DPYSL2: variants seen among roughly 807,000 people sequenced by gnomAD.
DPYSL2 encodes dihydropyrimidinase-related protein 2.
A neutral mutation model predicts 69.9 loss-of-function variants in DPYSL2; 13 were observed. That is an observed-to-expected ratio of 0.19 (90% CI 0.12 to 0.30). The LOEUF (loss-of-function observed/expected upper bound fraction) is 0.30. Among genes scored for constraint, DPYSL2 ranks in the 10% least tolerant of loss-of-function variants. The pLI is 1.00. For missense variants in DPYSL2, 587 were observed against 918.9 expected (o/e 0.64, Z 4.67); for synonymous variants, 326 against 359.1 (o/e 0.91, Z 1.04).
In DPYSL2 at chr8:26,576,769, T is replaced by C. The variant is rs142600043; in HGVS notation, c.355-5200T>C. Among the ~76,000 whole-genome samples, 157 of 152,350 alleles carry C rather than the reference T, an allele frequency of 1.0e-3. 1 individual carries two copies. The highest frequency in any genetic ancestry group is 3.6e-3 in the African/African-American group (150 of 41,582). ...TTCCTGTGGGATATAAACTCTTCCT[T>C]TCTTGCTCCTCCACAGCTCATCTCC... On this transcript the variant is annotated intron_variant, in intron 1 of 13. Transcript: ENST00000521913.
rs112620337 is a variant in DPYSL2 at position 26,535,898 on chromosome 8, T to TTGTGTGTGTGTGTGTG, written c.354+21243_354+21258dup. On this transcript the variant is annotated intron_variant, in intron 1 of 13. Transcript: ENST00000521913. ...ATCAAAATTATAAGCTCTCTATGGG[T>TTGTGTGTGTGTGTGTG]TGTGTGTGTGTGTGTGTGTGTGTGT... Among the ~76,000 whole-genome samples the TTGTGTGTGTGTGTGTG allele has an allele frequency of 1.6e-4, 22 of 141,170 alleles. 1 individual carries two copies. The highest frequency in any genetic ancestry group is 5.9e-4 in the African/African-American group (22 of 37,140). The allele number at this position is 141,170 out of a possible 152,430, so 92.6% of individuals were successfully genotyped here.
At chr8:26,576,487 A>T (rs1041950432) in intron 1 of DPYSL2, among the ~76,000 whole-genome samples, 5 of 151,580 alleles carry the variant, frequency 3.3e-5, no homozygotes, top group Admixed American at 3.3e-4. Flanking sequence ...TGCCAGGGCA[A>T]CCTCCCACGG....
At chr8:26,522,407 C>T (rs60541439) in intron 1 of DPYSL2, among the ~76,000 whole-genome samples, 2,910 of 152,334 alleles carry the variant, frequency 0.019, 82 homozygotes, top group African/African-American at 0.064. Context: ...CTATGTTTAG[C>T]TCTTCGAGGA....
intron 1 of DPYSL2, among the ~76,000 whole-genome samples, chr8:26,520,774 C>A (rs1407570620): frequency 6.6e-6 from 1 of 152,142 alleles, no homozygotes; most frequent in Non-Finnish European, 1.5e-5. Context: ...ATTTATTTCT[C>A]ATGGTTCTGG....
In DPYSL2 at chr8:26,647,539, T is replaced by C. The variant is rs1307667457; in HGVS notation, c.1426-91T>C. On this transcript the variant is annotated intron_variant, in intron 10 of 13. Transcript: ENST00000521913. This position sits in a 1 kb window ranked among gnomAD's most constrained non-coding sequence, Gnocchi z 5.1. ...ACGCTCTTGACATCCATCTAAGCTG[T>C]CGTGTGTATCAATAGTTTGTTATTG... 3.7e-6 allele frequency: 5 copies of C among 1,366,592 alleles called. No homozygotes were observed. The highest frequency in any genetic ancestry group is 5.0e-6 in the Non-Finnish European group (5 of 998,634). 84.7% of individuals were successfully genotyped at this position (1,366,592 alleles called of 1,614,324 possible).
intron 3 of DPYSL2, among the ~76,000 whole-genome samples, chr8:26,599,085 T>C (rs187501498): frequency 7.2e-5 from 11 of 152,316 alleles, no homozygotes; most frequent in Non-Finnish European, 5.9e-5. Flanking sequence ...CCATGGCAAG[T>C]CCTTTTAATG....
intron 3 of DPYSL2, among the ~76,000 whole-genome samples, chr8:26,603,134 G>A (rs970298233): frequency 2.6e-5 from 4 of 151,908 alleles, no homozygotes; most frequent in Non-Finnish European, 4.4e-5. Context: ...TTCATTTCTC[G>A]GAGCCACAGT....
Position 26,652,001 on chromosome 8 carries a change from A to G in DPYSL2, c.1597-256A>G, listed in dbSNP as rs1040263398. ...TTATATTTGTGTAGCATTTACAAAC[A>G]TGCACCCTTTTCACACAATTATTCT... On this transcript the variant is annotated intron_variant, in intron 11 of 13. Transcript: ENST00000521913. The surrounding 1 kb of genome is among the most constrained non-coding windows in gnomAD (Gnocchi z 6.3). Among the ~76,000 whole-genome samples, 5 of 152,230 alleles carry G rather than the reference A, an allele frequency of 3.3e-5. No homozygotes were observed. The highest frequency in any genetic ancestry group is 1.2e-4 in the African/African-American group (5 of 41,456).
intron 7 of DPYSL2, among the ~76,000 whole-genome samples, chr8:26,630,578 G>T (rs1408120975): frequency 6.7e-6 from 1 of 148,890 alleles, no homozygotes; most frequent in African/African-American, 2.5e-5. Context: ...ACTGTCCTGT[G>T]CAGGAGGTAC....
At chr8:26,623,937 A>G (rs1415325879) in intron 3 of DPYSL2, 3 of 577,438 alleles carry the variant, frequency 5.2e-6, no homozygotes, top group Non-Finnish European at 9.2e-6. Context: ...CGCTGGAGAC[A>G]TCATCCAATG....
chr8:26,593,618 C>G lies in DPYSL2; in HGVS notation c.628+9635C>G, dbSNP rs1801792221. Among the ~76,000 whole-genome samples the G allele has an allele frequency of 6.6e-6, 1 of 152,190 alleles. No individual in the cohort carries two copies. On this transcript the variant is annotated intron_variant, in intron 3 of 13. Transcript: ENST00000521913. The surrounding 1 kb of genome is among the most constrained non-coding windows in gnomAD (Gnocchi z 5.7). ...TGTCACCAGAAAGAGCCTCCTCCTT[C>G]AGTTGCTGTCCTTGGTGTTCGGGAA... is the stretch of plus-strand genomic sequence containing the variant.
chr8:26,557,199 G>GACTTCAAAAGTAAAACACCTTTT (rs1554535537), intron 1 of DPYSL2, among the ~76,000 whole-genome samples: 1 of 150,948 alleles, frequency 6.6e-6, no homozygotes, highest in Admixed American at 6.6e-5. Context: ...TGATAAGCTG[G>GACTTCAAAAGTAAAACACCTTTT]ACTTCAAAAG....
intron 1 of DPYSL2, among the ~76,000 whole-genome samples, chr8:26,557,741 A>T (rs1365904595): frequency 6.6e-6 from 1 of 151,862 alleles, no homozygotes; most frequent in Non-Finnish European, 1.5e-5. Context: ...GTGAGCCAAG[A>T]TCACACCACT....
In DPYSL2 at chr8:26,514,251, G is replaced by T; in HGVS notation, c.-75G>T. 7.7e-7 allele frequency: 1 copy of T among 1,292,368 alleles called. No individual in the cohort carries two copies. The highest frequency in any genetic ancestry group is 1.0e-6 in the Non-Finnish European group (1 of 986,156). The allele number at this position is 1,292,368 out of a possible 1,614,324, so 80.1% of individuals were successfully genotyped here. Reference sequence around the variant, plus strand: ...CCGCGGCAGCAGCTAGGGGGCTTGTGCACACAGCGAGGGAGACTTAGGGAC... The same window carrying T: ...CCGCGGCAGCAGCTAGGGGGCTTGTTCACACAGCGAGGGAGACTTAGGGAC... On this transcript the variant is annotated 5_prime_UTR_variant, in exon 1 of 14. Transcript: ENST00000521913. The surrounding 1 kb of genome is among the most constrained non-coding windows in gnomAD (Gnocchi z 8.4).
At chr8:26,569,315 C>T (rs1347627489) in intron 1 of DPYSL2, among the ~76,000 whole-genome samples, 1 of 145,048 alleles carries the variant, frequency 6.9e-6, no homozygotes, top group African/African-American at 2.6e-5. Flanking sequence ...GCTCATGCCA[C>T]GGCACTCTAG....
At position 26,533,707 on chromosome 8, in the gene DPYSL2, C is replaced by T. The variant is rs1049171426; in HGVS notation, c.354+19028C>T. ...ACCACTGGTGCCAAAAAGGCTGCAT[C>T]GGGAGTGAAGTCAATGACCACAGCT... On this transcript the variant is annotated intron_variant, in intron 1 of 13. Transcript: ENST00000521913. This position sits in a 1 kb window ranked among gnomAD's most constrained non-coding sequence, Gnocchi z 4.8. 1.3e-5 allele frequency among the ~76,000 whole-genome samples: 2 copies of T among 152,294 alleles called. No homozygotes were observed. Among genetic ancestry groups the T allele is most frequent in the South Asian group, 2.1e-4 (1 of 4,820 alleles).
rs1414079188 is a variant in DPYSL2, at chr8:26,591,906, G to A, written c.628+7923G>A. ...TGCGATTGGTCCTGGTGTAGCCTCC[G>A]TGTTGAGTTGTAGGGGAAAGGGTGT... On this transcript the variant is annotated intron_variant, in intron 3 of 13. Transcript: ENST00000521913. This position sits in a 1 kb window ranked among gnomAD's most constrained non-coding sequence, Gnocchi z 5.8. Among the ~76,000 whole-genome samples the A allele has an allele frequency of 2.6e-5, 4 of 152,296 alleles. No homozygotes were observed. The highest frequency in any genetic ancestry group is 2.1e-4 in the South Asian group (1 of 4,828).
At chr8:26,589,021 A>G (rs1398385723) in intron 3 of DPYSL2, among the ~76,000 whole-genome samples, 3 of 152,096 alleles carry the variant, frequency 2.0e-5, no homozygotes, top group African/African-American at 7.2e-5. Context: ...GCCTCTCGCC[A>G]GGCTGTTTTT....
Position 26,650,395 on chromosome 8 carries a change from CT to C in DPYSL2, c.1597-1861del, listed in dbSNP as rs1399648887. Among the ~76,000 whole-genome samples the C allele has an allele frequency of 1.3e-5, 2 of 152,180 alleles. No homozygotes were observed. Among genetic ancestry groups the C allele is most frequent in the African/African-American group, 2.4e-5 (1 of 41,452 alleles). ...CTGTGGAGTGATGTGGAAGAGATGG[CT>C]CTTGATCCAGGCCTTAAAGGATGAC... On this transcript the variant is annotated intron_variant, in intron 11 of 13. Coordinates refer to ENST00000521913, the MANE Select transcript of DPYSL2 (RefSeq NM_001197293.3). The surrounding 1 kb of genome is among the most constrained non-coding windows in gnomAD (Gnocchi z 5.3).
Sources: allele counts gnomAD v4.1 joint callset (sites outside exome capture counted in the v4.1 genomes callset), GRCh38; gene constraint gnomAD v4.1.1; non-coding constraint Gnocchi (gnomAD v3.1); transcripts MANE v1.5; gene names NCBI Gene and HGNC (gene_info 2026-07-23, HGNC 2026-07-21).